Variants in ABCC6 observed in about 807,000 individuals in gnomAD.
ABCC6 encodes ATP binding cassette subfamily C member 6.
In ABCC6, 126 loss-of-function variants were observed where a neutral mutation model predicts 169.5. The ratio of observed to expected loss-of-function variants is 0.74; its 90% CI spans 0.64 to 0.86. ABCC6 has a LOEUF of 0.86. ABCC6 is among the 40% of genes least tolerant of loss of function. ABCC6 has a pLI of 0.00. For missense variants in ABCC6, 1,733 were observed against 1,927.2 expected, an observed-to-expected ratio of 0.90 and a Z score of 1.89; for synonymous variants, 752 against 814.7, an observed-to-expected ratio of 0.92 and a Z score of 1.31.
intron 11 of ABCC6, among the ~76,000 whole-genome samples, chr16:16,191,179 G>C (rs191683140): frequency 6.6e-6 from 1 of 151,880 alleles, no homozygotes; most frequent in African/African-American, 2.4e-5. Context: ...GCAGTGGTGT[G>C]GTCTCGGCTC....
chr16:16,173,696 CT>C (rs763177730), intron 20 of ABCC6, among the ~76,000 whole-genome samples: 373 of 139,192 alleles, frequency 2.7e-3, no homozygotes, highest in Admixed American at 4.8e-3. Flanking sequence ...TCAGAATTTT[CT>C]TTTTTTTTTT....
At chr16:16,177,194 C>T (rs185125690) in intron 19 of ABCC6, among the ~76,000 whole-genome samples, 25 of 152,312 alleles carry the variant, frequency 1.6e-4, no homozygotes, top group African/African-American at 5.8e-4. Context: ...CTTCACATGC[C>T]TCTGGGGCAT....
chr16:16,199,959 T>G (rs2048182967), intron 9 of ABCC6, among the ~76,000 whole-genome samples: 1 of 151,762 alleles, frequency 6.6e-6, no homozygotes, highest in Admixed American at 6.6e-5. Flanking sequence ...TCCCAGCTAT[T>G]TGGGAGGGTG....
At chr16:16,182,652 G>T in intron 16 of ABCC6, 64 bp from the exon 17 acceptor site, 2 of 1,594,832 alleles carry the variant, frequency 1.3e-6, no homozygotes, top group Non-Finnish European at 1.7e-6. Flanking sequence ...AGGTTTTGAG[G>T]AGCAGTGGGA....
At position 16,165,790 on chromosome 16, in the gene ABCC6, G is replaced by A. The variant is rs199571237; in HGVS notation, c.3139C>T (p.Arg1047Cys). Residue 1047 changes from arginine to cysteine, a missense_variant, in exon 23 of 31, where the codon CGC becomes TGC. Coordinates refer to ENST00000205557, the MANE Select transcript of ABCC6 (RefSeq NM_001171.6). ...ERTPIGHLLN[R>C]FSKETDTVDV... ...ACCGTGTCTGTCTCCTTGGAGAAGC[G>A]GTTTAGCAGGTGACCAATGGGTGTC... 1.7e-5 allele frequency: 28 copies of A among 1,613,628 alleles called. No individual in the cohort carries two copies. Among genetic ancestry groups the A allele is most frequent in the Admixed American group, 5.0e-5 (3 of 60,008 alleles).
intron 1 of ABCC6, 70 bp from the exon 2 acceptor site, chr16:16,221,901 C>G: frequency 6.2e-7 from 1 of 1,611,324 alleles, no homozygotes; most frequent in Non-Finnish European, 8.5e-7. Flanking sequence ...GCCCAGGGGG[C>G]CAGGCAACTT....
At chr16:16,159,456 C>T in intron 26 of ABCC6, 26 bp downstream of exon 26, 1 of 1,606,002 alleles carries the variant, frequency 6.2e-7, no homozygotes, top group Non-Finnish European at 8.5e-7. Context: ...CTTGCTGGGA[C>T]CCCCTCCCCA....
chr16:16,190,682 C>T lies in ABCC6; in HGVS notation c.1432-315G>A, dbSNP rs185913393. ...CTGGAGGTGGTTGATGCCTGAGCTA[C>T]GTCTTTTTTTTTTTTTACCTTTTAC... On this transcript the variant is annotated intron_variant, in intron 11 of 30. Transcript: ENST00000205557. 3.5e-4 allele frequency among the ~76,000 whole-genome samples: 53 copies of T among 150,598 alleles called. 1 individual carries two copies. Among genetic ancestry groups the T allele is most frequent in the Admixed American group, 2.3e-3 (34 of 15,108 alleles).
chr16:16,199,000 G>GAAA (rs11389909), intron 9 of ABCC6, among the ~76,000 whole-genome samples: 5 of 118,848 alleles, frequency 4.2e-5, no homozygotes, highest in Admixed American at 3.7e-4. Flanking sequence ...TTTCGGGGGG[G>GAAA]AAAAAAGAAA....
chr16:16,159,594 A>C lies in ABCC6; in HGVS notation c.3634-11T>G. 6.2e-7 allele frequency: 1 copy of C among 1,613,860 alleles called. No individual in the cohort carries two copies. The highest frequency in any genetic ancestry group is 1.1e-5 in the South Asian group (1 of 91,074). On this transcript the variant is annotated splice_polypyrimidine_tract_variant and intron_variant, in intron 25 of 30. Transcript: ENST00000205557. Reference sequence around the variant, plus strand: ...CAGTGTCTGGGTCACCTGGTGCAAGAAAGCCTCTCTGGCTGGGTTTGGCAA... The same window carrying C: ...CAGTGTCTGGGTCACCTGGTGCAAGCAAGCCTCTCTGGCTGGGTTTGGCAA...
In ABCC6 at chr16:16,165,694, C is replaced by G. The variant is rs1313809148; in HGVS notation, c.3235G>C (p.Val1079Leu). ...GCCAGTGGGGTAGCCACTGCCACCACCAGGCTGACCTCCAGGAGTCCAAAG... is the reference window on the plus strand; with the variant it reads ...GCCAGTGGGGTAGCCACTGCCACCAGCAGGCTGACCTCCAGGAGTCCAAAG... The part of the protein sequence containing the change: ...YAFGLLEVSL[V>L]VAVATPLATV... Residue 1079 changes from valine (V) to leucine (L), a missense_variant, in exon 23 of 31, where the codon GTG becomes CTG. Val to Leu is a conservative substitution (Grantham distance 32). This residue lies in a region of ABCC6 where 1,601 missense variants were observed against 1,635.5 expected (regional missense o/e 0.98). Coordinates refer to ENST00000205557, the MANE Select transcript of ABCC6 (RefSeq NM_001171.6). 1.9e-6 allele frequency: 3 copies of G among 1,613,158 alleles called. No homozygotes were observed. The highest frequency in any genetic ancestry group is 2.5e-6 in the Non-Finnish European group (3 of 1,180,044).
rs148841334 is a variant in ABCC6, at chr16:16,161,771, G to A, written c.3507-207C>T. Among the ~76,000 whole-genome samples the A allele has an allele frequency of 4.1e-3, 627 of 152,206 alleles. 3 individuals carry two copies. Among genetic ancestry groups the A allele is most frequent in the African/African-American group, 0.015 (606 of 41,510 alleles). ...CACTTTAGGGTCTGGGGTACACTCG[G>A]TGTTCTGAAGAGCATCCCTGTGTGG... On this transcript the variant is annotated intron_variant, in intron 24 of 30. Coordinates refer to ENST00000205557, the MANE Select transcript of ABCC6 (RefSeq NM_001171.6).
At chr16:16,187,302 T>C in intron 13 of ABCC6, 91 bp from the exon 14 acceptor site, 1 of 1,004,704 alleles carries the variant, frequency 1.0e-6, no homozygotes, top group Non-Finnish European at 1.5e-6. Flanking sequence ...GGCAACAGCT[T>C]CCTGTCTACC....
In ABCC6 at chr16:16,204,542, A is replaced by G. The variant is rs546176403; in HGVS notation, c.795-929T>C. On this transcript the variant is annotated intron_variant, in intron 7 of 30. Coordinates refer to ENST00000205557, the MANE Select transcript of ABCC6 (RefSeq NM_001171.6). ...ACAGAAGCTCAGGCTGCCTCAAACTAATAAGATCCCCAGCCTTTGGCTATA... is the reference window on the plus strand; with the variant it reads ...ACAGAAGCTCAGGCTGCCTCAAACTGATAAGATCCCCAGCCTTTGGCTATA... Among the ~76,000 whole-genome samples the G allele has an allele frequency of 4.6e-5, 7 of 152,274 alleles. No homozygotes were observed. In the East Asian group the frequency reaches 1.4e-3, roughly 29 times the overall value.
At chr16:16,177,421 G>T (rs1034654518) in intron 19 of ABCC6, 31 bp downstream of exon 19, 7 of 1,613,436 alleles carry the variant, frequency 4.3e-6, no homozygotes, top group Non-Finnish European at 5.1e-6. Context: ...CAGGAGCCAG[G>T]CCTGGAGAAT....
chr16:16,219,097 C>T (rs2048983473), intron 4 of ABCC6, among the ~76,000 whole-genome samples: 1 of 138,454 alleles, frequency 7.2e-6, no homozygotes, highest in Non-Finnish European at 1.5e-5. Flanking sequence ...AAAGCTGCTT[C>T]CCAGATTGGG....
intron 10 of ABCC6, among the ~76,000 whole-genome samples, chr16:16,193,424 T>G (rs915330983): frequency 6.6e-6 from 1 of 152,094 alleles, no homozygotes; most frequent in Non-Finnish European, 1.5e-5. Flanking sequence ...CTAAAAAACT[T>G]GCTTTTGGCC....
intron 27 of ABCC6, 74 bp downstream of exon 27, chr16:16,157,589 A>C: frequency 6.3e-7 from 1 of 1,596,460 alleles, no homozygotes; most frequent in South Asian, 1.1e-5. Flanking sequence ...GCTGGTGCCC[A>C]GGGTTTAGGG....
At chr16:16,191,801 T>C (rs951721683) in intron 11 of ABCC6, among the ~76,000 whole-genome samples, 1 of 149,962 alleles carries the variant, frequency 6.7e-6, no homozygotes, top group African/African-American at 2.5e-5. Flanking sequence ...CCCTCCTTCC[T>C]CTCCTCCTTT....
Sources: allele counts gnomAD v4.1 joint callset (sites outside exome capture counted in the v4.1 genomes callset), GRCh38; gene constraint gnomAD v4.1.1; regional missense constraint gnomAD v4.1.1; transcripts MANE v1.5; gene names NCBI Gene and HGNC (gene_info 2026-07-23, HGNC 2026-07-21).